TRPC6: variants seen among roughly 807,000 people sequenced by gnomAD.
The protein encoded by TRPC6 is short transient receptor potential channel 6.
Under a neutral mutation model 90.7 loss-of-function variants are expected in TRPC6, and 55 were observed. The ratio of observed to expected loss-of-function variants is 0.61; its 90% confidence interval spans 0.49 to 0.76. TRPC6 has a LOEUF of 0.76. Among genes scored for constraint, TRPC6 ranks in the 30% least tolerant of loss-of-function variants. TRPC6 has a pLI of 0.00. For missense variants in TRPC6, 989 were observed against 1,122.7 expected, an observed-to-expected ratio of 0.88 and a Z score of 1.70; for synonymous variants, 393 against 393.0, an observed-to-expected ratio of 1.00 and a Z score of 0.00.
At chr11:101,456,785 T>C (rs7110162) in intron 10 of TRPC6, among the ~76,000 whole-genome samples, 1 of 151,980 alleles carries the variant, frequency 6.6e-6, no homozygotes, top group African/African-American at 2.4e-5. Context: ...AAACTAAATA[T>C]AAACTCACAT....
intron 5 of TRPC6, among the ~76,000 whole-genome samples, chr11:101,477,206 C>A (rs1024346458): frequency 2.6e-5 from 4 of 151,042 alleles, no homozygotes; most frequent in Admixed American, 1.3e-4. Context: ...TTCTACCCAA[C>A]CTTCCTGCCT....
intron 2 of TRPC6, among the ~76,000 whole-genome samples, chr11:101,493,887 C>T (rs117538196): frequency 0.029 from 4,357 of 152,148 alleles, 79 homozygotes; most frequent in Non-Finnish European, 0.045. Flanking sequence ...TACTTGGGCT[C>T]CTTTCTGTAA....
intron 4 of TRPC6, among the ~76,000 whole-genome samples, chr11:101,487,540 C>A (rs1859704126): frequency 6.6e-6 from 1 of 152,058 alleles, no homozygotes; most frequent in African/African-American, 2.4e-5. Flanking sequence ...TCTGAGCCCC[C>A]ACTTTTCTAA....
intron 9 of TRPC6, among the ~76,000 whole-genome samples, chr11:101,469,821 A>G (rs1859246144): frequency 6.6e-6 from 1 of 152,204 alleles, no homozygotes; most frequent in African/African-American, 2.4e-5. Flanking sequence ...TTTTTCCAAA[A>G]TTCCTACACA....
At chr11:101,524,066 C>CT (rs1174329325) in intron 1 of TRPC6, among the ~76,000 whole-genome samples, 1 of 152,220 alleles carries the variant, frequency 6.6e-6, no homozygotes, top group Non-Finnish European at 1.5e-5. Flanking sequence ...ACATACTCAG[C>CT]TGCCTACATC....
intron 5 of TRPC6, among the ~76,000 whole-genome samples, chr11:101,479,917 G>A (rs1283574246): frequency 6.6e-6 from 1 of 152,154 alleles, no homozygotes; most frequent in Non-Finnish European, 1.5e-5. Flanking sequence ...GGTGGCTCAC[G>A]CCTGTAATCC....
At chr11:101,554,171 G>A (rs1438435139) in intron 1 of TRPC6, among the ~76,000 whole-genome samples, 2 of 152,100 alleles carry the variant, frequency 1.3e-5, no homozygotes, top group African/African-American at 4.8e-5. Context: ...AGACAGACCA[G>A]TATATTCAGT....
intron 2 of TRPC6, 81 bp from the exon 3 acceptor site, chr11:101,491,819 A>G: frequency 9.3e-7 from 1 of 1,079,894 alleles, no homozygotes; most frequent in Non-Finnish European, 1.3e-6. Flanking sequence ...AGGATTTTAT[A>G]CTTTAAGAGA....
chr11:101,471,813 G>T (rs1175444553), intron 8 of TRPC6, among the ~76,000 whole-genome samples: 1 of 152,190 alleles, frequency 6.6e-6, no homozygotes, highest in Non-Finnish European at 1.5e-5. Flanking sequence ...AAGACTTGGA[G>T]AATGATGGTA....
In TRPC6 at chr11:101,469,749, T is replaced by G. The variant is rs558686933; in HGVS notation, c.2410-248A>C. ...TAAGTAAAATAAAGGAAGGGAAATT[T>G]TTGCCACTCAATCCACTGAGTTCTG... On this transcript the variant is annotated intron_variant, in intron 9 of 12. Coordinates refer to ENST00000344327, the MANE Select transcript of TRPC6 (RefSeq NM_004621.6). 3.9e-5 allele frequency among the ~76,000 whole-genome samples: 6 copies of G among 152,266 alleles called. No individual in the cohort carries two copies. In the East Asian group the frequency reaches 1.2e-3, roughly 29 times the overall value.
intron 1 of TRPC6, among the ~76,000 whole-genome samples, chr11:101,520,272 A>G (rs1860626241): frequency 6.6e-6 from 1 of 151,984 alleles, no homozygotes; most frequent in African/African-American, 2.4e-5. Context: ...TTCTCTGGCT[A>G]TGTAAGAAGT....
At chr11:101,455,759 A>G (rs2136640202) in intron 10 of TRPC6, among the ~76,000 whole-genome samples, 1 of 152,330 alleles carries the variant, frequency 6.6e-6, no homozygotes, top group Non-Finnish European at 1.5e-5. Context: ...TTTCTGAATT[A>G]AAATCCTTGC....
At position 101,452,720 on chromosome 11, in the gene TRPC6, A is replaced by G; in HGVS notation, c.*235T>C. On this transcript the variant is annotated 3_prime_UTR_variant, in exon 13 of 13. Coordinates refer to ENST00000344327, the MANE Select transcript of TRPC6 (RefSeq NM_004621.6). ...TATATCCAAGAAAGCAGTTTATAAA[A>G]CAAGCACCAAACAACTGGGCATAAT... is the stretch of plus-strand genomic sequence containing the variant. The G allele has an allele frequency of 1.9e-6, 1 of 520,326 alleles. No individual in the cohort carries two copies. Among genetic ancestry groups the G allele is most frequent in the Non-Finnish European group, 3.4e-6 (1 of 290,424 alleles). 32.2% of individuals were successfully genotyped at this position (520,326 alleles called of 1,614,324 possible).
chr11:101,567,378 C>G (rs1861860901), intron 1 of TRPC6, among the ~76,000 whole-genome samples: 1 of 151,202 alleles, frequency 6.6e-6, no homozygotes, highest in Non-Finnish European at 1.5e-5. Context: ...TAGTCAGGAA[C>G]TTAGAAACCC....
At chr11:101,476,821 T>C (rs961486905) in intron 5 of TRPC6, among the ~76,000 whole-genome samples, 1 of 152,164 alleles carries the variant, frequency 6.6e-6, no homozygotes, top group African/African-American at 2.4e-5. Flanking sequence ...CAGATGTTTA[T>C]TGTAGGATAC....
chr11:101,469,937 T>C (rs956246729), intron 9 of TRPC6, among the ~76,000 whole-genome samples: 7 of 152,214 alleles, frequency 4.6e-5, no homozygotes, highest in African/African-American at 1.4e-4. Context: ...TTTCACATAT[T>C]ACAGTTGAGG....
At chr11:101,532,596 C>A (rs191716613) in intron 1 of TRPC6, among the ~76,000 whole-genome samples, 4 of 152,080 alleles carry the variant, frequency 2.6e-5, no homozygotes, top group Non-Finnish European at 4.4e-5. Flanking sequence ...TGGGAGCGGA[C>A]AATGTAGTGA....
intron 1 of TRPC6, among the ~76,000 whole-genome samples, chr11:101,553,836 G>A (rs564492758): frequency 1.3e-5 from 2 of 152,022 alleles, no homozygotes; most frequent in South Asian, 2.1e-4. Context: ...AAGATTTATC[G>A]TGTCCCAGAT....
At chr11:101,579,035 G>C (rs879469642) in intron 1 of TRPC6, among the ~76,000 whole-genome samples, 2 of 151,568 alleles carry the variant, frequency 1.3e-5, no homozygotes, top group Non-Finnish European at 2.9e-5. Flanking sequence ...ATTATTTCTG[G>C]AAAATCCTTA....
Sources: gnomAD v4.1 joint callset for allele counts (sites outside exome capture counted in the v4.1 genomes callset) on GRCh38, gnomAD v4.1.1 for gene constraint, MANE v1.5 for transcripts, NCBI Gene and HGNC (gene_info 2026-07-23, HGNC 2026-07-21) for gene names.